FLACC1: variants seen among roughly 807,000 people sequenced by gnomAD.
The protein encoded by FLACC1 is flagellum-associated coiled-coil domain-containing protein 1.
A neutral mutation model predicts 62.8 loss-of-function variants in FLACC1; 66 were observed. The ratio of observed to expected loss-of-function variants is 1.05; its 90% CI spans 0.86 to 1.29. FLACC1 has a LOEUF of 1.29. Among genes scored for constraint, FLACC1 ranks in the 50% most tolerant of loss-of-function variants. FLACC1 has a pLI of 0.00. For synonymous variants in FLACC1, 156 were observed against 161.0 expected (o/e 0.97, Z 0.24); for missense variants, 452 against 489.1 (o/e 0.92, Z 0.71).
At chr2:201,332,033 A>G (rs1472646547) in intron 7 of FLACC1, among the ~76,000 whole-genome samples, 2 of 152,180 alleles carry the variant, frequency 1.3e-5, no homozygotes, top group Non-Finnish European at 2.9e-5. Context: ...TACTCTAAAA[A>G]ATAAAGTTTA....
the FLACC1 span, among the ~76,000 whole-genome samples, chr2:201,364,182 A>C: frequency 6.6e-6 from 1 of 152,226 alleles, no homozygotes; most frequent in Non-Finnish European, 1.5e-5. Flanking sequence ...ACCTGCTGAC[A>C]GAAGTGAATA....
At chr2:201,349,210 C>T (rs769360145) in intron 3 of FLACC1, among the ~76,000 whole-genome samples, 1 of 152,204 alleles carries the variant, frequency 6.6e-6, no homozygotes, top group Non-Finnish European at 1.5e-5. Flanking sequence ...TCACTCGCTC[C>T]GCTCATGCCA....
At chr2:201,333,085 C>A (rs1348560712) in intron 7 of FLACC1, among the ~76,000 whole-genome samples, 1 of 152,186 alleles carries the variant, frequency 6.6e-6, no homozygotes, top group Non-Finnish European at 1.5e-5. Flanking sequence ...AGTGGGATTG[C>A]TGGATCATAT....
intron 10 of FLACC1, 48 bp downstream of exon 10, chr2:201,309,103 G>GT (rs1379622522): frequency 1.3e-6 from 2 of 1,537,892 alleles, no homozygotes; most frequent in African/African-American, 1.4e-5. Context: ...CTTCATGGCA[G>GT]TTTTTTAATG....
rs937158283 is a variant in FLACC1, at chr2:201,346,398, G to A, written c.368+144C>T. On this transcript the variant is annotated intron_variant, in intron 5 of 14. Coordinates refer to ENST00000392257, the MANE Select transcript of FLACC1 (RefSeq NM_001127391.3). The surrounding 1 kb of genome is among the most constrained non-coding windows in gnomAD (Gnocchi z 4.0). ...AGATGCATCATCAGGAAGCAGGGGC[G>A]AGGAGGGAGGTGCCCTTGCGGCCCC... The A allele has an allele frequency of 1.6e-5, 18 of 1,135,688 alleles. No homozygotes were observed. The highest frequency in any genetic ancestry group is 2.1e-5 in the Non-Finnish European group (17 of 802,910). The allele number at this position is 1,135,688 out of a possible 1,614,324, so 70.4% of individuals were successfully genotyped here. A position where few individuals can be genotyped will look rare whatever the true frequency, so the allele number is the denominator to read the frequency against.
At chr2:201,314,176 T>C (rs930585179) in intron 9 of FLACC1, among the ~76,000 whole-genome samples, 1 of 151,802 alleles carries the variant, frequency 6.6e-6, no homozygotes, top group Non-Finnish European at 1.5e-5. Flanking sequence ...CCCCACAAAA[T>C]CACACTAGCT....
At chr2:201,317,353 T>TC (rs1950325758) in intron 9 of FLACC1, among the ~76,000 whole-genome samples, 3 of 152,174 alleles carry the variant, frequency 2.0e-5, no homozygotes, top group Non-Finnish European at 4.4e-5. Flanking sequence ...CAGTAAAGTT[T>TC]CCAGATACAA....
rs1421731969 is a variant in FLACC1, at chr2:201,341,834, G to A, written c.524+536C>T. On this transcript the variant is annotated intron_variant, in intron 7 of 14. Transcript: ENST00000392257. ...ATCTCCCCATTTTCTTCCTCCTACC[G>A]GACCATGGTAACCATGTTCTATTCT... 4.0e-5 allele frequency among the ~76,000 whole-genome samples: 6 copies of A among 151,860 alleles called. No homozygotes were observed. In the South Asian group the frequency reaches 8.4e-4, roughly 21 times the overall value.
intron 1 of FLACC1, among the ~76,000 whole-genome samples, chr2:201,353,961 C>T (rs961091815): frequency 6.6e-6 from 1 of 152,148 alleles, no homozygotes; most frequent in Non-Finnish European, 1.5e-5. Flanking sequence ...AATCAATGGC[C>T]TAACAGAAGC....
intron 11 of FLACC1, among the ~76,000 whole-genome samples, chr2:201,306,665 T>TA (rs1184265006): frequency 6.6e-6 from 1 of 151,982 alleles, no homozygotes; most frequent in Non-Finnish European, 1.5e-5. Context: ...ACCATAAAAG[T>TA]AAAAAAATGA....
chr2:201,301,052 A>G (rs1200781406), intron 11 of FLACC1, among the ~76,000 whole-genome samples: 2 of 152,234 alleles, frequency 1.3e-5, no homozygotes, highest in Non-Finnish European at 2.9e-5. Context: ...CCTCACCAGC[A>G]ATGGAACAAA....
At chr2:201,291,998 C>T (rs1235200809) in intron 12 of FLACC1, among the ~76,000 whole-genome samples, 13 of 152,216 alleles carry the variant, frequency 8.5e-5, no homozygotes, top group African/African-American at 2.9e-4. Flanking sequence ...AAGAAATGAA[C>T]AAAGCCTCCA....
intron 12 of FLACC1, among the ~76,000 whole-genome samples, chr2:201,296,569 G>A (rs964538905): frequency 6.6e-6 from 1 of 151,528 alleles, no homozygotes; most frequent in Non-Finnish European, 1.5e-5. Flanking sequence ...GTTAAATGAC[G>A]AGTTACTGGG....
chr2:201,325,593 C>T (rs1209005159), intron 9 of FLACC1, among the ~76,000 whole-genome samples: 2 of 151,922 alleles, frequency 1.3e-5, no homozygotes, highest in Middle Eastern at 3.2e-3. Flanking sequence ...TTCCTGGAAA[C>T]GTACAACTCT....
chr2:201,303,248 A>G (rs1260454231), intron 11 of FLACC1, among the ~76,000 whole-genome samples: 1 of 152,224 alleles, frequency 6.6e-6, no homozygotes, highest in East Asian at 1.9e-4. Flanking sequence ...TAAAGGGGAT[A>G]TCACCACCGA....
intron 9 of FLACC1, among the ~76,000 whole-genome samples, chr2:201,311,436 T>C (rs977971920): frequency 1.3e-5 from 2 of 152,112 alleles, no homozygotes; most frequent in Non-Finnish European, 2.9e-5. Context: ...AAAAGTTAAT[T>C]CATGGCCAGG....
At chr2:201,318,585 TA>T (rs548980085) in intron 9 of FLACC1, among the ~76,000 whole-genome samples, 16 of 147,540 alleles carry the variant, frequency 1.1e-4, no homozygotes, top group African/African-American at 3.0e-4. Flanking sequence ...AATCAAAAAA[TA>T]AAAAAAAAAT....
intron 11 of FLACC1, among the ~76,000 whole-genome samples, chr2:201,305,527 G>T (rs190667436): frequency 6.6e-6 from 1 of 152,194 alleles, no homozygotes; most frequent in East Asian, 1.9e-4. Flanking sequence ...ACAGTGTGGC[G>T]ATTCCTCAAG....
intron 6 of FLACC1, 24 bp from the exon 7 acceptor site, chr2:201,342,455 AACACAGG>A (rs1245011521): frequency 1.2e-6 from 2 of 1,613,214 alleles, no homozygotes; most frequent in Non-Finnish European, 1.7e-6. Context: ...CAGCATCTAC[AACACAGG>A]ACTGAGGACC....
Sources: gnomAD v4.1 joint callset for allele counts (sites outside exome capture counted in the v4.1 genomes callset) on GRCh38, gnomAD v4.1.1 for gene constraint, Gnocchi (gnomAD v3.1) non-coding constraint, MANE v1.5 for transcripts, NCBI Gene and HGNC (gene_info 2026-07-23, HGNC 2026-07-21) for gene names.